MGA: variants seen among roughly 807,000 people sequenced by gnomAD.
MGA encodes MAX dimerization protein MGA.
A neutral mutation model predicts 261.1 loss-of-function variants in MGA; 40 were observed. The observed-to-expected ratio is 0.15, with a 90% CI of 0.12 to 0.20. The LOEUF (loss-of-function observed/expected upper bound fraction) is 0.20, where lower values mean the gene tolerates loss of function less well. Ranked by LOEUF, MGA falls within the 10% of genes least tolerant of loss-of-function variation. The pLI is 1.00. For synonymous variants in MGA, 1,302 were observed against 1,290.6 expected (o/e 1.01, Z -0.19); for missense variants, 3,397 against 3,630.5 (o/e 0.94, Z 1.65).
chr15:41,752,514 A>C (rs1782543423), intron 17 of MGA, among the ~76,000 whole-genome samples: 1 of 146,366 alleles, frequency 6.8e-6, no homozygotes, highest in African/African-American at 2.5e-5. Context: ...GAAAACTATT[A>C]CTATTAGTGG....
At position 41,766,863 on chromosome 15, in the gene MGA, G is replaced by C. The variant is rs1273615873; in HGVS notation, c.8781G>C (p.Lys2927Asn). 6.2e-7 allele frequency: 1 copy of C among 1,614,020 alleles called. No individual in the cohort carries two copies. Among genetic ancestry groups the C allele is most frequent in the Non-Finnish European group, 8.5e-7 (1 of 1,179,890 alleles). The change falls in exon 24 of 24, where the codon AAG (lysine) becomes AAC (asparagine). Residue 2927 changes from lysine (K) to asparagine (N), a missense_variant. By Grantham distance (94) the Lys-to-Asn change is moderately conservative. Around this residue, in one of 9 missense-constraint regions of MGA, gnomAD observed 647 missense variants for 642.4 expected, o/e 1.01. Coordinates refer to ENST00000219905, the MANE Select transcript of MGA (RefSeq NM_001164273.2). ...CAGCCTCTGAGCCAGATGTCCTTAA[G>C]ATTGTTATTGACTCTGAAATAAAGG...
chr15:41,688,926 C>A (rs564966877), intron 2 of MGA, among the ~76,000 whole-genome samples: 9 of 152,076 alleles, frequency 5.9e-5, no homozygotes, highest in Non-Finnish European at 1.0e-4. Context: ...TTATTATGTC[C>A]ACACATGGGG....
rs564025131 is a variant in MGA, at chr15:41,652,067, G to A, written c.-67-16761G>A. Among the ~76,000 whole-genome samples, 7 of 130,530 alleles carry A rather than the reference G, an allele frequency of 5.4e-5. No individual in the cohort carries two copies. In the East Asian group the frequency reaches 1.2e-3, roughly 22 times the overall value. 85.6% of individuals were successfully genotyped at this position (130,530 alleles called of 152,430 possible). A position where few individuals can be genotyped will look rare whatever the true frequency, so the allele number is the denominator to read the frequency against. On this transcript the variant is annotated intron_variant, in intron 1 of 8. Transcript: ENST00000566718. Reference sequence around the variant, plus strand: ...TGCAAGCTCCTCCTCTTGGGTTCACGCCATTCTCCTGCCTCAGCCTCCTGA... The same window carrying A: ...TGCAAGCTCCTCCTCTTGGGTTCACACCATTCTCCTGCCTCAGCCTCCTGA...
At chr15:41,702,428 A>G (rs928028835) in intron 5 of MGA, among the ~76,000 whole-genome samples, 1 of 152,184 alleles carries the variant, frequency 6.6e-6, no homozygotes, top group Non-Finnish European at 1.5e-5. Context: ...TCTGAAGAGA[A>G]TGAAAGTATT....
intron 1 of MGA, among the ~76,000 whole-genome samples, chr15:41,648,393 T>C (rs2056975696): frequency 6.6e-6 from 1 of 152,226 alleles, no homozygotes; most frequent in Non-Finnish European, 1.5e-5. Flanking sequence ...AATGAGTTAA[T>C]ATATGGCAAA....
At chr15:41,676,711 A>G (rs532590646) in intron 2 of MGA, among the ~76,000 whole-genome samples, 2 of 152,312 alleles carry the variant, frequency 1.3e-5, no homozygotes, top group East Asian at 1.9e-4. Flanking sequence ...TTTCTTACAC[A>G]CATTTTTTAT....
At chr15:41,731,429 A>G (rs1287091172) in intron 11 of MGA, among the ~76,000 whole-genome samples, 1 of 152,112 alleles carries the variant, frequency 6.6e-6, no homozygotes, top group Non-Finnish European at 1.5e-5. Flanking sequence ...CATTTTCATA[A>G]AAACTCTTTA....
chr15:41,718,959 A>G (rs1415570636), intron 9 of MGA, among the ~76,000 whole-genome samples: 3 of 152,112 alleles, frequency 2.0e-5, no homozygotes, highest in African/African-American at 7.2e-5. Flanking sequence ...TTGGAAAGGA[A>G]GAAGTAAAAA....
chr15:41,730,313 C>T (rs2061446757), intron 11 of MGA, among the ~76,000 whole-genome samples: 1 of 152,016 alleles, frequency 6.6e-6, no homozygotes, highest in Admixed American at 6.5e-5. Flanking sequence ...GTGGTGGGCC[C>T]CTGTAATCCC....
At chr15:41,737,327 T>C (rs1035147298) in intron 13 of MGA, among the ~76,000 whole-genome samples, 4 of 151,608 alleles carry the variant, frequency 2.6e-5, no homozygotes, top group Middle Eastern at 3.4e-3. Context: ...TGTTTTTGTT[T>C]TTTTTTTAGT....
intron 5 of MGA, 141 bp downstream of exon 5, chr15:41,699,300 G>A (rs1206211515): frequency 6.7e-6 from 4 of 594,976 alleles, no homozygotes; most frequent in East Asian, 3.1e-5. Context: ...ATTTCTTTCA[G>A]CACGTCTTTC....
chr15:41,750,656 T>G, intron 17 of MGA, 41 bp downstream of exon 17: 4 of 1,512,660 alleles, frequency 2.6e-6, no homozygotes, highest in Non-Finnish European at 3.5e-6. Flanking sequence ...CCTAAAGGAT[T>G]TAAATGATTT....
intron 13 of MGA, among the ~76,000 whole-genome samples, chr15:41,739,537 A>T (rs2061976049): frequency 6.6e-6 from 1 of 152,176 alleles, no homozygotes; most frequent in Non-Finnish European, 1.5e-5. Context: ...TGGGACACTC[A>T]TTTTTGCTGA....
At chr15:41,691,719 T>C in intron 2 of MGA, 1 of 408,102 alleles carries the variant, frequency 2.5e-6, no homozygotes, top group Non-Finnish European at 5.4e-6. Flanking sequence ...TTTCAACACT[T>C]CATGATTGGC....
rs546430229 is a variant in MGA, at chr15:41,663,735, T to C, written c.-68+3210T>C. On this transcript the variant is annotated intron_variant, in intron 1 of 23. Coordinates refer to ENST00000219905, the MANE Select transcript of MGA (RefSeq NM_001164273.2). The stretch of plus-strand genomic sequence containing the variant: ...ATTCGCCCGCCTCAGCCCCTCAAAG[T>C]GCTGGGATTACAAGCGCGAGCCACC... Among the ~76,000 whole-genome samples the C allele has an allele frequency of 2.3e-4, 35 of 152,174 alleles. No homozygotes were observed. In the South Asian group the frequency reaches 7.0e-3, roughly 31 times the overall value.
chr15:41,740,175 G>A lies in MGA; in HGVS notation c.4557G>A (p.Lys1519=). Residue 1519 remains lysine, a synonymous_variant, in exon 14 of 24, where the codon AAG becomes AAA. Coordinates refer to ENST00000219905, the MANE Select transcript of MGA (RefSeq NM_001164273.2). ...CAAATCGCCCTGGGAAGAATCTGAAGGCGTTTGTCCCAGCAAAACGGCCAA... is the reference window on the plus strand; with the variant it reads ...CAAATCGCCCTGGGAAGAATCTGAAAGCGTTTGTCCCAGCAAAACGGCCAA... 1 of 1,613,994 alleles carries A rather than the reference G, an allele frequency of 6.2e-7. No homozygotes were observed. Among genetic ancestry groups the A allele is most frequent in the Non-Finnish European group, 8.5e-7 (1 of 1,179,872 alleles).
intron 1 of MGA, among the ~76,000 whole-genome samples, chr15:41,639,939 C>T (rs1250569014): frequency 2.6e-5 from 4 of 152,186 alleles, no homozygotes; most frequent in Middle Eastern, 3.4e-3. Context: ...GAGCTTTTGC[C>T]TTGAGAGATG....
At position 41,765,013 on chromosome 15, in the gene MGA, A is replaced by G; in HGVS notation, c.7872A>G (p.Leu2624=). 1 of 1,614,036 alleles carries G rather than the reference A, an allele frequency of 6.2e-7. No individual in the cohort carries two copies. Among genetic ancestry groups the G allele is most frequent in the South Asian group, 1.1e-5 (1 of 91,086 alleles). Residue 2624 remains leucine, a synonymous_variant, in exon 23 of 24, where the codon TTA becomes TTG. Coordinates refer to ENST00000219905, the MANE Select transcript of MGA (RefSeq NM_001164273.2). ...TGGTAGCTGTTTCTCCTGATCTCTT[A>G]GAATCTGATCTTAAGCCTCAAGTTG...
intron 11 of MGA, among the ~76,000 whole-genome samples, chr15:41,734,175 T>C (rs1014859911): frequency 6.6e-6 from 1 of 152,002 alleles, no homozygotes; most frequent in Non-Finnish European, 1.5e-5. Context: ...CTCGGAATGC[T>C]GGGATTGCAG....
Sources: gnomAD v4.1 joint callset for allele counts (sites outside exome capture counted in the v4.1 genomes callset) on GRCh38, gnomAD v4.1.1 for gene constraint, gnomAD v4.1.1 regional missense constraint, MANE v1.5 for transcripts, NCBI Gene and HGNC (gene_info 2026-07-23, HGNC 2026-07-21) for gene names.